Variants in DNM1L observed in about 807,000 individuals in gnomAD.
The protein encoded by DNM1L is dynamin 1L, also known as dynamin-1-like protein.
In DNM1L, 33 loss-of-function variants were observed where a neutral mutation model predicts 92.8. That is an observed-to-expected ratio of 0.36 (90% CI 0.27 to 0.48). The LOEUF (loss-of-function observed/expected upper bound fraction) is 0.48. DNM1L is among the 20% of genes least tolerant of loss of function. DNM1L has a pLI of 0.99. For missense variants in DNM1L, 485 were observed against 888.8 expected (o/e 0.55, Z 5.78); for synonymous variants, 284 against 305.0 (o/e 0.93, Z 0.72).
chr12:32,725,088 TTC>T (rs1467342946), intron 9 of DNM1L, among the ~76,000 whole-genome samples: 44 of 152,056 alleles, frequency 2.9e-4, no homozygotes, highest in Non-Finnish European at 4.4e-4. Flanking sequence ...CTTCTTCTTC[TTC>T]TTTTTTTTTA....
intron 9 of DNM1L, chr12:32,728,264 A>G (rs1954284218): frequency 6.6e-6 from 1 of 152,194 alleles, no homozygotes; most frequent in Non-Finnish European, 1.5e-5. Flanking sequence ...TAGTGTGCCC[A>G]AGATGGTCTT....
rs1220076199 is a variant in DNM1L at position 32,722,709 on chromosome 12, G to T, written c.1079+76G>T. On this transcript the variant is annotated intron_variant, in intron 9 of 19. Transcript: ENST00000549701. The stretch of plus-strand genomic sequence containing the variant: ...TTTTCCTTTTGTGAAGATGACTTCA[G>T]CTCAGATTATCTGATTAAGATTTAT... The T allele has an allele frequency of 3.7e-6, 4 of 1,087,908 alleles. No homozygotes were observed. The African/African-American group carries it at 6.3e-5, about 17-fold the overall frequency. 67.4% of individuals were successfully genotyped at this position (1,087,908 alleles called of 1,614,324 possible).
intron 1 of DNM1L, among the ~76,000 whole-genome samples, chr12:32,680,518 G>A (rs969105245): frequency 2.1e-4 from 29 of 140,706 alleles, no homozygotes; most frequent in Non-Finnish European, 3.6e-4. Context: ...GTACTCGTTT[G>A]TTTGTTTGTT....
At chr12:32,726,295 A>G in intron 9 of DNM1L, 1 of 1,179,202 alleles carries the variant, frequency 8.5e-7, no homozygotes, top group African/African-American at 1.5e-5. Flanking sequence ...TCTACCAAGA[A>G]AATACAAAAA....
At chr12:32,692,451 T>C (rs1952270668) in intron 1 of DNM1L, 1 of 152,190 alleles carries the variant, frequency 6.6e-6, no homozygotes, top group Non-Finnish European at 1.5e-5. Flanking sequence ...AGCTATATTT[T>C]CCAAGAAGTG....
chr12:32,710,153 TC>T (rs1005374077), intron 4 of DNM1L, among the ~76,000 whole-genome samples: 9 of 152,192 alleles, frequency 5.9e-5, no homozygotes, highest in Non-Finnish European at 1.3e-4. Flanking sequence ...GTATTCTTAG[TC>T]TGCAGGAGAG....
In DNM1L at chr12:32,740,609, A is replaced by G; in HGVS notation, c.1994+91A>G. The G allele has an allele frequency of 3.3e-6, 4 of 1,219,528 alleles. No homozygotes were observed. In the Admixed American group the frequency reaches 8.6e-5, roughly 26 times the overall value. The allele number at this position is 1,219,528 out of a possible 1,614,324, so 75.5% of individuals were successfully genotyped here. A position where few individuals can be genotyped will look rare whatever the true frequency, so the allele number is the denominator to read the frequency against. The stretch of plus-strand genomic sequence containing the variant: ...AAAATACATGTATTTTTACAATTTT[A>G]GGTTTTTATTCTAAATCATCAAGTG... On this transcript the variant is annotated intron_variant, in intron 18 of 19. Coordinates refer to ENST00000549701, the MANE Select transcript of DNM1L (RefSeq NM_012062.5).
In DNM1L at chr12:32,716,815, G is replaced by A. The variant is rs533993863; in HGVS notation, c.620-1828G>A. 1.2e-4 allele frequency among the ~76,000 whole-genome samples: 17 copies of A among 146,710 alleles called. No individual in the cohort carries two copies. The South Asian group carries it at 3.6e-3, about 31-fold the overall frequency. The stretch of plus-strand genomic sequence containing the variant: ...CACTACCCATCTGAGAAATATGTGA[G>A]TTGTTTCTAGTTTTTGAAAATTATG... On this transcript the variant is annotated intron_variant, in intron 6 of 19. Transcript: ENST00000549701.
intron 7 of DNM1L, 103 bp downstream of exon 7, chr12:32,718,866 G>A (rs1953669660): frequency 6.9e-7 from 1 of 1,447,344 alleles, no homozygotes; most frequent in Admixed American, 1.7e-5. Flanking sequence ...TGTTTGAAAT[G>A]TGATGCTGTA....
chr12:32,709,203 A>G (rs1489029958), intron 4 of DNM1L, among the ~76,000 whole-genome samples: 3 of 152,238 alleles, frequency 2.0e-5, no homozygotes, highest in East Asian at 1.9e-4. Flanking sequence ...ACTTTCCTGA[A>G]TTTCTAGTAA....
chr12:32,699,805 A>AGG (rs1278617328), intron 1 of DNM1L, among the ~76,000 whole-genome samples: 3 of 150,816 alleles, frequency 2.0e-5, no homozygotes, highest in East Asian at 1.9e-4. Flanking sequence ...TCAAAAAAAA[A>AGG]AAAAAAAAAA....
At chr12:32,737,380 A>AAAAAAAAGT in intron 14 of DNM1L, 1 of 523,666 alleles carries the variant, frequency 1.9e-6, no homozygotes, top group Non-Finnish European at 3.3e-6. Flanking sequence ...AAGTAGATTT[A>AAAAAAAAGT]AGCATTTATT....
Position 32,740,245 on chromosome 12 carries a change from G to A in DNM1L, c.1884+5G>A. On this transcript the variant is annotated splice_donor_5th_base_variant and intron_variant, in intron 17 of 19. Coordinates refer to ENST00000549701, the MANE Select transcript of DNM1L (RefSeq NM_012062.5). ...GCCGTGAACCTGCTAGATGTGGTAA[G>A]CCATGACAATTTGGTTTAGGTAATA... 6.2e-7 allele frequency: 1 copy of A among 1,614,160 alleles called. No homozygotes were observed. Among genetic ancestry groups the A allele is most frequent in the Non-Finnish European group, 8.5e-7 (1 of 1,180,028 alleles).
At chr12:32,696,248 A>G (rs1952442857) in intron 1 of DNM1L, among the ~76,000 whole-genome samples, 2 of 152,090 alleles carry the variant, frequency 1.3e-5, no homozygotes, top group Non-Finnish European at 2.9e-5. Flanking sequence ...AGTAAAGGAA[A>G]ATCAGGGCCA....
intron 9 of DNM1L, 71 bp from the exon 10 acceptor site, chr12:32,730,943 G>C: frequency 6.2e-7 from 1 of 1,604,534 alleles, no homozygotes; most frequent in South Asian, 1.1e-5. Flanking sequence ...AAAGCTTCTA[G>C]AAAGACTTCT....
intron 13 of DNM1L, 139 bp downstream of exon 13, chr12:32,733,946 G>C: frequency 1.4e-6 from 1 of 732,168 alleles, no homozygotes; most frequent in Non-Finnish European, 2.3e-6. Context: ...GAAATATGCT[G>C]AGGGGATTAC....
At chr12:32,691,326 C>T (rs181685782) in intron 1 of DNM1L, among the ~76,000 whole-genome samples, 1 of 152,228 alleles carries the variant, frequency 6.6e-6, no homozygotes, top group East Asian at 1.9e-4. Context: ...GTAACCTCTG[C>T]CTCCCTGGTT....
intron 19 of DNM1L, 80 bp downstream of exon 19, chr12:32,742,828 G>C: frequency 1.3e-6 from 2 of 1,491,794 alleles, no homozygotes; most frequent in South Asian, 2.3e-5. Context: ...TTTGATTCTT[G>C]GATATGTATA....
rs1352589784 is a variant in DNM1L at position 32,743,557 on chromosome 12, C to G, written c.*147C>G. On this transcript the variant is annotated 3_prime_UTR_variant, in exon 20 of 20. Transcript: ENST00000549701. The stretch of plus-strand genomic sequence containing the variant: ...CTGGCTATAAACTGAAAAGTGTATT[C>G]CAAATTGCAGAACACATCACACATT... The G allele has an allele frequency of 9.6e-6, 7 of 730,940 alleles. No individual in the cohort carries two copies. Among genetic ancestry groups the G allele is most frequent in the Non-Finnish European group, 1.6e-5 (7 of 432,636 alleles). 45.3% of individuals were successfully genotyped at this position (730,940 alleles called of 1,614,324 possible).
Sources: gnomAD v4.1 joint callset for allele counts (sites outside exome capture counted in the v4.1 genomes callset) on GRCh38, gnomAD v4.1.1 for gene constraint, MANE v1.5 for transcripts, NCBI Gene and HGNC (gene_info 2026-07-23, HGNC 2026-07-21) for gene names.